Variants in PAK5 observed in about 807,000 individuals in gnomAD.
The protein encoded by PAK5 is p21 (RAC1) activated kinase 5, also known as serine/threonine-protein kinase PAK 5.
In PAK5, 16 loss-of-function variants were observed where a neutral mutation model predicts 65.9. The observed-to-expected ratio is 0.24, with a 90% confidence interval of 0.16 to 0.37. The LOEUF is 0.37. Ranked by LOEUF, PAK5 falls within the 10% of genes least tolerant of loss-of-function variation. The probability of loss-of-function intolerance (pLI) is 1.00; values close to 1 mark genes in which losing one functional copy is unlikely to be tolerated. For synonymous variants in PAK5, 371 were observed against 354.9 expected, an observed-to-expected ratio of 1.05 and a Z score of -0.51; for missense variants, 785 against 903.9, an observed-to-expected ratio of 0.87 and a Z score of 1.69.
At chr20:9,581,345 A>T (rs1206454953) in intron 3 of PAK5, among the ~76,000 whole-genome samples, 1 of 152,190 alleles carries the variant, frequency 6.6e-6, no homozygotes, top group African/African-American at 2.4e-5. Context: ...AATAATATTT[A>T]TTACTGTTTT....
At chr20:9,574,752 T>C (rs1177970705) in intron 4 of PAK5, among the ~76,000 whole-genome samples, 1 of 152,178 alleles carries the variant, frequency 6.6e-6, no homozygotes, top group African/African-American at 2.4e-5. Flanking sequence ...ACTCAGTCAG[T>C]CCTTGGATGT....
Position 9,838,199 on chromosome 20 carries a change from A to ACG in PAK5, c.-162+561_-162+562dup, listed in dbSNP as rs1357403633. On this transcript the variant is annotated intron_variant, in intron 1 of 9. Transcript: ENST00000353224. This position sits in a 1 kb window ranked among gnomAD's most constrained non-coding sequence, Gnocchi z 4.5. ...CCACCAGGCGCGCGCGCACACACAC[A>ACG]CGCGCGCACACACACACACACACAA... 8.1e-4 allele frequency among the ~76,000 whole-genome samples: 89 copies of ACG among 109,932 alleles called. No homozygotes were observed. The highest frequency in any genetic ancestry group is 2.8e-3 in the African/African-American group (67 of 23,578). The allele number at this position is 109,932 out of a possible 152,430, so 72.1% of individuals were successfully genotyped here.
chr20:9,798,481 T>G (rs1261443872), intron 1 of PAK5, among the ~76,000 whole-genome samples: 2 of 152,074 alleles, frequency 1.3e-5, no homozygotes, highest in Non-Finnish European at 1.5e-5. Flanking sequence ...CACCAGCTGA[T>G]TTACAGATTT....
At chr20:9,824,741 C>T (rs1261312371) in intron 1 of PAK5, among the ~76,000 whole-genome samples, 1 of 152,138 alleles carries the variant, frequency 6.6e-6, no homozygotes, top group African/African-American at 2.4e-5. Context: ...TTTCCCTTAT[C>T]CCACTCTATT....
rs6133723 is a variant in PAK5 at position 9,565,907 on chromosome 20, G to A, written c.1468C>T (p.Leu490=). 0.056 allele frequency: 90,200 copies of A among 1,612,356 alleles called. 3,935 individuals carry two copies. Among genetic ancestry groups the A allele is most frequent in the East Asian group, 0.28 (12,426 of 44,822 alleles). Residue 490 remains leucine (L), a synonymous_variant, in exon 5 of 10, where the codon CTG becomes TTG. Transcript: ENST00000353224. ...ACACTCTTTACCTCATTGAAAAGCA[G>A]TTCTCGTCTCTGTTGCTTCCGGAGG... ...MDLRKQQRRE[L]LFNEVVIMRD...
chr20:9,695,819 T>C (rs190239000), intron 2 of PAK5, among the ~76,000 whole-genome samples: 3 of 152,126 alleles, frequency 2.0e-5, no homozygotes, highest in Non-Finnish European at 4.4e-5. Flanking sequence ...AAAATTCAAC[T>C]TTTAAATTCT....
At chr20:9,731,043 A>G (rs2048330073) in intron 1 of PAK5, among the ~76,000 whole-genome samples, 1 of 152,216 alleles carries the variant, frequency 6.6e-6, no homozygotes, top group Non-Finnish European at 1.5e-5. Flanking sequence ...TGATGTATGT[A>G]GGGACTGGGG....
intron 1 of PAK5, among the ~76,000 whole-genome samples, chr20:9,789,636 A>G (rs2049029073): frequency 6.6e-6 from 1 of 152,132 alleles, no homozygotes; most frequent in African/African-American, 2.4e-5. Context: ...CTTAATGGAC[A>G]TTGCTGGTTC....
At chr20:9,545,214 T>C (rs947063593) in intron 7 of PAK5, among the ~76,000 whole-genome samples, 8 of 152,142 alleles carry the variant, frequency 5.3e-5, no homozygotes, top group Non-Finnish European at 1.2e-4. Flanking sequence ...TTACCTTAGA[T>C]ATCATCAAGG....
At chr20:9,683,796 G>A (rs1343574245) in intron 2 of PAK5, among the ~76,000 whole-genome samples, 2 of 152,116 alleles carry the variant, frequency 1.3e-5, no homozygotes, top group Non-Finnish European at 2.9e-5. Flanking sequence ...ATAGCTCACT[G>A]CAGCCTTGAC....
At chr20:9,614,137 TAG>T (rs2046612785) in intron 3 of PAK5, among the ~76,000 whole-genome samples, 1 of 152,038 alleles carries the variant, frequency 6.6e-6, no homozygotes, top group South Asian at 2.1e-4. Flanking sequence ...GCAATGTAAA[TAG>T]AGAGATCAAA....
chr20:9,800,712 C>T (rs2049159295), intron 1 of PAK5, among the ~76,000 whole-genome samples: 1 of 151,960 alleles, frequency 6.6e-6, no homozygotes, highest in South Asian at 2.1e-4. Context: ...AATCTACTTT[C>T]CAAGAAGTAA....
chr20:9,551,050 G>A, intron 7 of PAK5, among the ~76,000 whole-genome samples: 1 of 152,030 alleles, frequency 6.6e-6, no homozygotes, highest in East Asian at 1.9e-4. Context: ...TTGGAAGTGA[G>A]GCCTGTTCTG....
At chr20:9,798,519 C>T (rs1033635561) in intron 1 of PAK5, among the ~76,000 whole-genome samples, 1 of 152,112 alleles carries the variant, frequency 6.6e-6, no homozygotes, top group Non-Finnish European at 1.5e-5. Context: ...GGAATCTTCC[C>T]TCTGGTGGTT....
At chr20:9,763,131 G>A (rs1262303186) in intron 1 of PAK5, among the ~76,000 whole-genome samples, 1 of 152,028 alleles carries the variant, frequency 6.6e-6, no homozygotes, top group African/African-American at 2.4e-5. Flanking sequence ...AAATGGGGAA[G>A]CAATGGTTAG....
chr20:9,678,582 CA>C (rs909331830), intron 2 of PAK5, among the ~76,000 whole-genome samples: 5 of 151,990 alleles, frequency 3.3e-5, no homozygotes, highest in Non-Finnish European at 5.9e-5. Flanking sequence ...AAGAAACAAA[CA>C]AAAAGACATA....
At chr20:9,819,971 T>C (rs1367274129) in intron 1 of PAK5, among the ~76,000 whole-genome samples, 1 of 152,140 alleles carries the variant, frequency 6.6e-6, no homozygotes, top group Non-Finnish European at 1.5e-5. Flanking sequence ...AAGAAAACTA[T>C]ACAGAAACAC....
chr20:9,781,321 C>A (rs1465705378), intron 1 of PAK5, among the ~76,000 whole-genome samples: 1 of 152,096 alleles, frequency 6.6e-6, no homozygotes, highest in Non-Finnish European at 1.5e-5. Flanking sequence ...TTTAGGAAAG[C>A]TTATGTGGGT....
intron 2 of PAK5, among the ~76,000 whole-genome samples, chr20:9,644,885 G>A (rs2047113486): frequency 6.6e-6 from 1 of 152,128 alleles, no homozygotes; most frequent in African/African-American, 2.4e-5. Context: ...TGAGATTTTG[G>A]CCTTGTTTGT....
Sources: gnomAD v4.1 joint callset for allele counts (sites outside exome capture counted in the v4.1 genomes callset) on GRCh38, gnomAD v4.1.1 for gene constraint, Gnocchi (gnomAD v3.1) non-coding constraint, MANE v1.5 for transcripts, NCBI Gene and HGNC (gene_info 2026-07-23, HGNC 2026-07-21) for gene names.